RPH3A: variants seen among roughly 807,000 people sequenced by gnomAD.
RPH3A encodes the protein rabphilin 3A, also known as rabphilin-3A.
RPH3A carries 48 observed loss-of-function variants against 102.2 expected under a neutral mutation model. The ratio of observed to expected loss-of-function variants is 0.47; its 90% CI spans 0.37 to 0.60. RPH3A has a LOEUF of 0.60. RPH3A is among the 20% of genes least tolerant of loss of function. The pLI is 0.00. For missense variants in RPH3A, 781 were observed against 910.1 expected (o/e 0.86, Z 1.83); for synonymous variants, 310 against 324.3 (o/e 0.96, Z 0.47).
At chr12:112,792,387 A>T (rs1408438583) in intron 2 of RPH3A, 124 bp downstream of exon 2, 1 of 152,248 alleles carries the variant, frequency 6.6e-6, no homozygotes, top group African/African-American at 2.4e-5. Flanking sequence ...AGGAACGACT[A>T]TGCTTATTTG....
chr12:112,800,588 G>T (rs4767011), intron 2 of RPH3A, among the ~76,000 whole-genome samples: 1 of 152,150 alleles, frequency 6.6e-6, no homozygotes, highest in African/African-American at 2.4e-5. Flanking sequence ...AGTGCAGGAG[G>T]TGGGATGGAA....
chr12:112,660,141 A>C (rs752224277), intron 1 of RPH3A, among the ~76,000 whole-genome samples: 1 of 152,206 alleles, frequency 6.6e-6, no homozygotes, highest in Non-Finnish European at 1.5e-5. Flanking sequence ...ATATATGCAT[A>C]TTATGTATCT....
intron 1 of RPH3A, among the ~76,000 whole-genome samples, chr12:112,637,490 G>T (rs10492017): frequency 6.6e-6 from 1 of 151,976 alleles, no homozygotes; most frequent in Non-Finnish European, 1.5e-5. Flanking sequence ...GTATTAGAAG[G>T]GAGAAATACG....
intron 1 of RPH3A, among the ~76,000 whole-genome samples, chr12:112,584,666 T>A (rs2039425796): frequency 6.6e-6 from 1 of 152,200 alleles, no homozygotes; most frequent in African/African-American, 2.4e-5. Flanking sequence ...CAAGAGCTCC[T>A]GCAGTTGTTA....
At chr12:112,703,133 C>T (rs1565853142) in intron 1 of RPH3A, among the ~76,000 whole-genome samples, 1 of 152,214 alleles carries the variant, frequency 6.6e-6, no homozygotes, top group Non-Finnish European at 1.5e-5. Flanking sequence ...TGTTCTTTTG[C>T]ACCTTTGCCA....
At chr12:112,775,886 A>G (rs1193948467) in intron 1 of RPH3A, among the ~76,000 whole-genome samples, 1 of 152,190 alleles carries the variant, frequency 6.6e-6, no homozygotes, top group African/African-American at 2.4e-5. Context: ...ATTGTGTCAA[A>G]CACATCTTTT....
At chr12:112,605,390 C>CAAACAAA (rs2039587853) in intron 1 of RPH3A, among the ~76,000 whole-genome samples, 1 of 151,866 alleles carries the variant, frequency 6.6e-6, no homozygotes, top group Non-Finnish European at 1.5e-5. Flanking sequence ...AACAAACAAA[C>CAAACAAA]AAACAAAAAA....
chr12:112,890,810 TC>T (rs1314019901), intron 18 of RPH3A, 38 bp from the exon 19 acceptor site: 5 of 1,601,572 alleles, frequency 3.1e-6, no homozygotes, highest in Non-Finnish European at 4.3e-6. Flanking sequence ...CCTGGCCCCC[TC>T]CCCTCCAAGG....
At chr12:112,651,762 C>T (rs942970345) in intron 1 of RPH3A, 2 of 152,210 alleles carry the variant, frequency 1.3e-5, no homozygotes, top group Non-Finnish European at 2.9e-5. Flanking sequence ...TTCTCTTCTC[C>T]CTAGCCCCTG....
chr12:112,705,037 A>T (rs1486533099), intron 1 of RPH3A, among the ~76,000 whole-genome samples: 4 of 152,232 alleles, frequency 2.6e-5, no homozygotes, highest in African/African-American at 9.6e-5. Flanking sequence ...TCAATCTGGT[A>T]TGGAGGCTCT....
chr12:112,860,661 G>A (rs1565925270), intron 5 of RPH3A, among the ~76,000 whole-genome samples: 1 of 152,222 alleles, frequency 6.6e-6, no homozygotes, highest in African/African-American at 2.4e-5. Flanking sequence ...CTCAACATGA[G>A]GCAGGAGGCT....
At chr12:112,725,491 G>A (rs2040582028) in intron 1 of RPH3A, among the ~76,000 whole-genome samples, 1 of 152,050 alleles carries the variant, frequency 6.6e-6, no homozygotes, top group African/African-American at 2.4e-5. Context: ...TGTGAATCGT[G>A]GTAGACACCA....
intron 14 of RPH3A, among the ~76,000 whole-genome samples, chr12:112,881,288 C>T (rs916586094): frequency 1.3e-5 from 2 of 152,224 alleles, no homozygotes; most frequent in East Asian, 1.9e-4. Context: ...TGGATGGAGA[C>T]ACTGAAGTCT....
At chr12:112,895,684 C>T in intron 20 of RPH3A, 93 bp from the exon 21 acceptor site, 1 of 820,536 alleles carries the variant, frequency 1.2e-6, no homozygotes, top group Non-Finnish European at 2.1e-6. Flanking sequence ...AGGACCTCTC[C>T]TTGGCCCATA....
chr12:112,801,636 C>A (rs189545978), intron 2 of RPH3A, among the ~76,000 whole-genome samples: 1 of 152,160 alleles, frequency 6.6e-6, no homozygotes. Flanking sequence ...CTGTTATTCA[C>A]GGAGGACTCT....
At chr12:112,814,354 G>A (rs1236767670) in intron 2 of RPH3A, among the ~76,000 whole-genome samples, 3 of 152,084 alleles carry the variant, frequency 2.0e-5, no homozygotes, top group Admixed American at 6.5e-5. Flanking sequence ...TTCAAATACA[G>A]AAAGGGGTAG....
At chr12:112,879,581 T>C (rs1252576963) in intron 14 of RPH3A, among the ~76,000 whole-genome samples, 2 of 152,190 alleles carry the variant, frequency 1.3e-5, no homozygotes, top group Non-Finnish European at 2.9e-5. Context: ...TGTGTCTGCC[T>C]GAGGCCCCTT....
At chr12:112,865,172 TAATCCAAAGTCAGTAGAATAGATGG>T (rs2042586877) in intron 5 of RPH3A, among the ~76,000 whole-genome samples, 1 of 152,120 alleles carries the variant, frequency 6.6e-6, no homozygotes, top group Admixed American at 6.5e-5. Context: ...ATAAGGTTCT[TAATCCAAAGTCAGTAGAATAGATGG>T]GACTTTGAGG....
chr12:112,743,592 C>T (rs115679511), intron 1 of RPH3A, among the ~76,000 whole-genome samples: 2 of 152,108 alleles, frequency 1.3e-5, no homozygotes, highest in Admixed American at 6.5e-5. Flanking sequence ...GGTAGGCGCT[C>T]GGTAAATGTT....
Sources: allele counts gnomAD v4.1 joint callset (sites outside exome capture counted in the v4.1 genomes callset), GRCh38; gene constraint gnomAD v4.1.1; transcripts MANE v1.5; gene names NCBI Gene and HGNC (gene_info 2026-07-23, HGNC 2026-07-21).